FLT1: variants seen among roughly 807,000 people sequenced by gnomAD.
The protein encoded by FLT1 is fms related receptor tyrosine kinase 1.
Under a neutral mutation model 156.3 loss-of-function variants are expected in FLT1, and 49 were observed. The ratio of observed to expected loss-of-function variants is 0.31; its 90% confidence interval spans 0.25 to 0.40. The LOEUF (loss-of-function observed/expected upper bound fraction) is 0.40, where lower values mean the gene tolerates loss of function less well. FLT1 is among the 10% of genes least tolerant of loss of function. FLT1 has a pLI of 1.00. For missense variants in FLT1, 1,322 were observed against 1,637.2 expected, an observed-to-expected ratio of 0.81 and a Z score of 3.32; for synonymous variants, 594 against 583.8, an observed-to-expected ratio of 1.02 and a Z score of -0.25.
At chr13:28,339,785 A>T (rs139747582) in intron 16 of FLT1, among the ~76,000 whole-genome samples, 80 of 152,334 alleles carry the variant, frequency 5.3e-4, no homozygotes, top group African/African-American at 1.5e-3. Flanking sequence ...TAAACCCAGG[A>T]TCCCTGGGGC....
intron 10 of FLT1, among the ~76,000 whole-genome samples, chr13:28,421,642 T>C (rs907824904): frequency 1.3e-5 from 2 of 152,160 alleles, no homozygotes; most frequent in African/African-American, 4.8e-5. Context: ...CATTCTACTT[T>C]CATAAGTTGA....
rs371573097 is a variant in FLT1, at chr13:28,368,599, CGAT to C, written c.2117-10917_2117-10915del. Reference sequence around the variant, plus strand: ...ATAGCTATGATGATGATGATGATGACGATGATGATGATGATGACAATGGTGATG... The same window carrying C: ...ATAGCTATGATGATGATGATGATGACGATGATGATGATGACAATGGTGATG... On this transcript the variant is annotated intron_variant, in intron 14 of 29. Coordinates refer to ENST00000282397, the MANE Select transcript of FLT1 (RefSeq NM_002019.4). 11,619 of 1,430,288 alleles carry C rather than the reference CGAT, an allele frequency of 8.1e-3. 165 individuals carry two copies. The highest frequency in any genetic ancestry group is 7.4e-3 in the Non-Finnish European group (7,714 of 1,038,920). The allele number at this position is 1,430,288 out of a possible 1,614,324, so 88.6% of individuals were successfully genotyped here. A position where few individuals can be genotyped will look rare whatever the true frequency, so the allele number is the denominator to read the frequency against.
chr13:28,352,256 T>C (rs1278042381), intron 15 of FLT1, among the ~76,000 whole-genome samples: 1 of 152,244 alleles, frequency 6.6e-6, no homozygotes, highest in African/African-American at 2.4e-5. Context: ...TTCTCCCTTT[T>C]AACTAACTGT....
chr13:28,357,442 G>T, intron 15 of FLT1, 112 bp downstream of exon 15: 1 of 1,123,246 alleles, frequency 8.9e-7, no homozygotes, highest in Non-Finnish European at 1.3e-6. Flanking sequence ...AAGGAGGTCA[G>T]GGAAAGGAAC....
chr13:28,410,956 A>G lies in FLT1; in HGVS notation c.1437-5062T>C, dbSNP rs570612016. ...ACTTCTGATCCCAAGAAACCTCCCC[A>G]GACCTTTCCCACCATGGGAGAAGTC... On this transcript the variant is annotated intron_variant, in intron 10 of 29. Coordinates refer to ENST00000282397, the MANE Select transcript of FLT1 (RefSeq NM_002019.4). Among the ~76,000 whole-genome samples, 354 of 152,286 alleles carry G rather than the reference A, an allele frequency of 2.3e-3. 1 individual carries two copies. The highest frequency in any genetic ancestry group is 8.1e-3 in the African/African-American group (337 of 41,544).
At chr13:28,419,378 A>T (rs1253747857) in intron 10 of FLT1, among the ~76,000 whole-genome samples, 3 of 152,268 alleles carry the variant, frequency 2.0e-5, no homozygotes, top group African/African-American at 7.2e-5. Context: ...TGTTCTACTT[A>T]TCTATCACCT....
chr13:28,335,530 G>C (rs902163848), intron 17 of FLT1, among the ~76,000 whole-genome samples: 2 of 152,030 alleles, frequency 1.3e-5, no homozygotes, highest in Non-Finnish European at 2.9e-5. Flanking sequence ...CAACTACTCA[G>C]TGACAAAAAT....
Position 28,322,705 on chromosome 13 carries a change from T to A in FLT1, c.2953+85A>T. 8.0e-7 allele frequency: 1 copy of A among 1,246,632 alleles called. No individual in the cohort carries two copies. 77.2% of individuals were successfully genotyped at this position (1,246,632 alleles called of 1,614,324 possible). On this transcript the variant is annotated intron_variant, in intron 21 of 29. Transcript: ENST00000282397. The surrounding 1 kb of genome is among the most constrained non-coding windows in gnomAD (Gnocchi z 4.3). ...AGTCTCCCACGGATGTTTATTAGAG[T>A]GATAAATAAGAAAAAAATTTCAGAG...
chr13:28,492,638 G>A (rs143216536), intron 1 of FLT1, among the ~76,000 whole-genome samples: 49 of 152,258 alleles, frequency 3.2e-4, no homozygotes, highest in African/African-American at 1.0e-3. Flanking sequence ...CTGAAGGAAG[G>A]CAGACCCAGG....
chr13:28,302,653 C>G lies in FLT1; in HGVS notation c.*514G>C, dbSNP rs181971091. On this transcript the variant is annotated 3_prime_UTR_variant, in exon 30 of 30. Transcript: ENST00000282397. ...TCAAATTCTTTCTCATGCCTTCTCC[C>G]GGTTTCTCTTTTCTCCCTTGCTTTT... 9 of 235,698 alleles carry G rather than the reference C, an allele frequency of 3.8e-5. No homozygotes were observed. The East Asian group carries it at 4.2e-4, about 11-fold the overall frequency. 14.6% of individuals were successfully genotyped at this position (235,698 alleles called of 1,614,324 possible). A position where few individuals can be genotyped will look rare whatever the true frequency, so the allele number is the denominator to read the frequency against.
intron 1 of FLT1, among the ~76,000 whole-genome samples, chr13:28,468,125 T>A (rs933293089): frequency 6.6e-6 from 1 of 152,244 alleles, no homozygotes; most frequent in African/African-American, 2.4e-5. Context: ...CAATCATTAG[T>A]TGAGCAATGA....
Position 28,334,015 on chromosome 13 carries a change from G to C in FLT1, c.2593+10C>G, listed in dbSNP as rs761096108. 39 of 1,552,588 alleles carry C rather than the reference G, an allele frequency of 2.5e-5. No individual in the cohort carries two copies. The highest frequency in any genetic ancestry group is 3.2e-5 in the Non-Finnish European group (36 of 1,124,044). On this transcript the variant is annotated intron_variant, in intron 18 of 29. Transcript: ENST00000282397. ...TGGGTCAGTTGAAAGCCAAACTACA[G>C]CATACATACCTTTCAGCATTTTCAC...
At chr13:28,369,443 T>C (rs527531171) in intron 14 of FLT1, among the ~76,000 whole-genome samples, 2 of 152,118 alleles carry the variant, frequency 1.3e-5, no homozygotes, top group Non-Finnish European at 2.9e-5. Context: ...GAGAATTGCT[T>C]GAACCCAGGA....
At chr13:28,403,116 T>A (rs1165224909) in intron 11 of FLT1, among the ~76,000 whole-genome samples, 1 of 152,096 alleles carries the variant, frequency 6.6e-6, no homozygotes, top group Non-Finnish European at 1.5e-5. Context: ...TTTCATTTCA[T>A]CCTTGTAACA....
intron 15 of FLT1, among the ~76,000 whole-genome samples, chr13:28,354,835 A>G (rs1379027815): frequency 6.6e-6 from 1 of 152,094 alleles, no homozygotes; most frequent in South Asian, 2.1e-4. Flanking sequence ...TATATGCCAT[A>G]TATTATATAT....
At chr13:28,438,548 AT>A (rs1878163595) in intron 3 of FLT1, among the ~76,000 whole-genome samples, 1 of 152,108 alleles carries the variant, frequency 6.6e-6, no homozygotes, top group Non-Finnish European at 1.5e-5. Flanking sequence ...ATAAAACCTA[AT>A]TTCATATCTG....
intron 3 of FLT1, 59 bp from the exon 4 acceptor site, chr13:28,438,404 G>A: frequency 2.9e-6 from 4 of 1,360,256 alleles, no homozygotes; most frequent in Non-Finnish European, 4.2e-6. Flanking sequence ...CAAGCATCTA[G>A]ACACTGTAGC....
intron 6 of FLT1, among the ~76,000 whole-genome samples, chr13:28,433,151 A>T (rs890659221): frequency 6.6e-6 from 1 of 152,216 alleles, no homozygotes; most frequent in African/African-American, 2.4e-5. Context: ...CTGACACACA[A>T]GAAATGGGGG....
rs895381104 is a variant in FLT1, at chr13:28,427,183, C to T, written c.1412G>A (p.Cys471Tyr). 4 of 1,613,922 alleles carry T rather than the reference C, an allele frequency of 2.5e-6. No individual in the cohort carries two copies. In the African/African-American group the frequency reaches 5.3e-5, roughly 22 times the overall value. The change falls in exon 10 of 30, where the codon TGT becomes TAT. Residue 471 changes from cysteine (C) to tyrosine (Y), a missense_variant. Coordinates refer to ENST00000282397, the MANE Select transcript of FLT1 (RefSeq NM_002019.4). ...CCTTGCTTCGGAATGATTATGGTTA[C>T]AGGGGTGCCAGAACCACTTGATTGT... ...QPTIKWFWHPCNHNHSEARCD... is the reference protein window; with the variant it reads ...QPTIKWFWHPYNHNHSEARCD...
Sources: gnomAD v4.1 joint callset for allele counts (sites outside exome capture counted in the v4.1 genomes callset) on GRCh38, gnomAD v4.1.1 for gene constraint, Gnocchi (gnomAD v3.1) non-coding constraint, MANE v1.5 for transcripts, NCBI Gene and HGNC (gene_info 2026-07-23, HGNC 2026-07-21) for gene names.